LDB1: variants seen among roughly 807,000 people sequenced by gnomAD.
LDB1 encodes the protein LIM domain-binding protein 1.
A neutral mutation model predicts 49.7 loss-of-function variants in LDB1; 6 were observed. That is an observed-to-expected ratio of 0.12 (90% CI 0.07 to 0.24). LDB1 has a LOEUF of 0.24. Among genes scored for constraint, LDB1 ranks in the 10% least tolerant of loss-of-function variants. LDB1 has a pLI of 1.00. For missense variants in LDB1, 341 were observed against 561.7 expected (o/e 0.61, Z 3.97); for synonymous variants, 233 against 202.0 (o/e 1.15, Z -1.30).
In LDB1 at chr10:102,111,431, T is replaced by C; in HGVS notation, c.128+3A>G. The C allele has an allele frequency of 1.3e-6, 2 of 1,594,344 alleles. No individual in the cohort carries two copies. The highest frequency in any genetic ancestry group is 8.6e-7 in the Non-Finnish European group (1 of 1,167,958). ...TTAGGAAGTGGCCAAGAGACTCACT[T>C]ACCCCACATCCCTATCCAGCATGGT... On this transcript the variant is annotated splice_donor_region_variant and intron_variant, in intron 2 of 10. Coordinates refer to ENST00000673968, the MANE Select transcript of LDB1 (RefSeq NM_001113407.3).
At chr10:102,106,263 T>A (rs2068158720), downstream of LDB1, among the ~76,000 whole-genome samples, 1 of 151,626 alleles carries the variant, frequency 6.6e-6, no homozygotes, top group Non-Finnish European at 1.5e-5. Context: ...GAAAGCCAAC[T>A]CTCCCTCAAC....
rs1400808589 is a variant in LDB1, at chr10:102,112,702, G to A, written c.26-1166C>T. Among the ~76,000 whole-genome samples, 69 of 151,898 alleles carry A rather than the reference G, an allele frequency of 4.5e-4. 1 individual carries two copies. The highest frequency in any genetic ancestry group is 1.8e-4 in the Non-Finnish European group (12 of 67,990). On this transcript the variant is annotated intron_variant, in intron 1 of 10. Transcript: ENST00000673968. Reference sequence around the variant, plus strand: ...TTGGGAGTCGGGGAAGCAGGCAGATGAGCCTCCTTTGCATCCCACTCTACC... The same window carrying A: ...TTGGGAGTCGGGGAAGCAGGCAGATAAGCCTCCTTTGCATCCCACTCTACC...
chr10:102,107,584 AT>A lies in LDB1; in HGVS notation c.*508del. ...ATTTTTTTTTTAACTTACATTTTTAATAATATTATTTTTAAAAAAACTTGGA... is the reference window on the plus strand; with the variant it reads ...ATTTTTTTTTTAACTTACATTTTTAAAATATTATTTTTAAAAAAACTTGGA... On this transcript the variant is annotated 3_prime_UTR_variant, in exon 11 of 11. Transcript: ENST00000673968. The A allele has an allele frequency of 6.5e-6, 1 of 153,194 alleles. No homozygotes were observed. The highest frequency in any genetic ancestry group is 2.0e-4 in the South Asian group (1 of 4,930). 9.5% of individuals were successfully genotyped at this position (153,194 alleles called of 1,614,324 possible).
intron 1 of LDB1, among the ~76,000 whole-genome samples, chr10:102,112,482 GA>G (rs1351524497): frequency 6.6e-6 from 1 of 152,154 alleles, no homozygotes; most frequent in Non-Finnish European, 1.5e-5. Flanking sequence ...AGGGTCTCAG[GA>G]GGGCAAGGGA....
chr10:102,114,617 G>A lies in LDB1; in HGVS notation c.26-3081C>T, dbSNP rs933598702. On this transcript the variant is annotated intron_variant, in intron 1 of 10. Transcript: ENST00000673968. The stretch of plus-strand genomic sequence containing the variant: ...CCCCGCGGCGGCCGCTGTCCCGGGG[G>A]AAAGTTACAATGGCCACTGGGCCGG... 2.6e-4 allele frequency: 253 copies of A among 985,086 alleles called. No homozygotes were observed. In the Middle Eastern group the frequency reaches 3.1e-3, roughly 12 times the overall value. The allele number at this position is 985,086 out of a possible 1,614,324, so 61.0% of individuals were successfully genotyped here. A position where few individuals can be genotyped will look rare whatever the true frequency, so the allele number is the denominator to read the frequency against.
rs1826235656 is a variant in LDB1 at position 102,107,707 on chromosome 10, T to G, written c.*386A>C. On this transcript the variant is annotated 3_prime_UTR_variant, in exon 11 of 11. Coordinates refer to ENST00000673968, the MANE Select transcript of LDB1 (RefSeq NM_001113407.3). ...GAGCATTCAACGAAGCCCCGTAACT[T>G]TAAGTCCCTAAGGGCTGTGGGTATA... 4.6e-6 allele frequency: 1 copy of G among 219,656 alleles called. No individual in the cohort carries two copies. The highest frequency in any genetic ancestry group is 5.2e-5 in the Admixed American group (1 of 19,368). The allele number at this position is 219,656 out of a possible 1,614,324, so 13.6% of individuals were successfully genotyped here.
downstream of LDB1, among the ~76,000 whole-genome samples, chr10:102,103,745 C>T (rs186563212): frequency 2.8e-4 from 43 of 151,970 alleles, no homozygotes; most frequent in African/African-American, 9.2e-4. Context: ...ACCCAGGAGG[C>T]GGAGGTTGCA....
chr10:102,114,295 C>T (rs1422156327), intron 1 of LDB1: 20 of 980,588 alleles, frequency 2.0e-5, no homozygotes, highest in Non-Finnish European at 2.4e-5. Flanking sequence ...GGCCTGAGCG[C>T]CCCGGCGGCT....
intron 1 of LDB1, chr10:102,114,424 C>A: frequency 1.0e-6 from 1 of 986,394 alleles, no homozygotes; most frequent in Non-Finnish European, 1.2e-6. Flanking sequence ...ACTGAGGGGG[C>A]CAGGAGAGGT....
rs1323387124 is a variant in LDB1 at position 102,107,219 on chromosome 10, C to T, written c.*874G>A. 1.3e-5 allele frequency among the ~76,000 whole-genome samples: 2 copies of T among 152,068 alleles called. No homozygotes were observed. Among genetic ancestry groups the T allele is most frequent in the African/African-American group, 4.8e-5 (2 of 41,376 alleles). ...GGAGGACTTGTAAGGAATATACATA[C>T]CATGGGGGTGGGGCTGGAAGAGAGG... On this transcript the variant is annotated 3_prime_UTR_variant, in exon 11 of 11. Transcript: ENST00000673968.
At chr10:102,114,759 CCTCCTT>C in intron 1 of LDB1, 1 of 879,798 alleles carries the variant, frequency 1.1e-6, no homozygotes, top group Non-Finnish European at 1.4e-6. Flanking sequence ...CTCTCCTCCT[CCTCCTT>C]CTCGGCTCTC....
At position 102,109,418 on chromosome 10, in the gene LDB1, A is replaced by G; in HGVS notation, c.822T>C (p.Leu274=). ...LSPRDCLKTC[L]FQKWQRMVAP... ...CTACCATGCGCTGCCACTTCTGGAAAAGGCAGGTCTTGAGGCAGTCGCGGG... is the reference window on the plus strand; with the variant it reads ...CTACCATGCGCTGCCACTTCTGGAAGAGGCAGGTCTTGAGGCAGTCGCGGG... Residue 274 remains leucine, a synonymous_variant, in exon 9 of 11, where the codon CTT becomes CTC. Transcript: ENST00000673968. The surrounding 1 kb of genome is among the most constrained non-coding windows in gnomAD (Gnocchi z 5.8). The G allele has an allele frequency of 6.2e-7, 1 of 1,614,186 alleles. No homozygotes were observed. Among genetic ancestry groups the G allele is most frequent in the South Asian group, 1.1e-5 (1 of 91,084 alleles).
chr10:102,120,338 G>C lies in LDB1; in HGVS notation c.-228C>G. On this transcript the variant is annotated 5_prime_UTR_variant, in exon 1 of 11. Coordinates refer to ENST00000673968, the MANE Select transcript of LDB1 (RefSeq NM_001113407.3). Reference sequence around the variant, plus strand: ...AGGAAGGCGAGCGGCCTCTGCGTGTGTGCGCGCGGGTGTGAGTCCGCGGAG... The same window carrying C: ...AGGAAGGCGAGCGGCCTCTGCGTGTCTGCGCGCGGGTGTGAGTCCGCGGAG... 1.0e-6 allele frequency: 1 copy of C among 984,606 alleles called. No individual in the cohort carries two copies. Among genetic ancestry groups the C allele is most frequent in the Non-Finnish European group, 1.2e-6 (1 of 829,604 alleles). The allele number at this position is 984,606 out of a possible 1,614,324, so 61.0% of individuals were successfully genotyped here. A position where few individuals can be genotyped will look rare whatever the true frequency, so the allele number is the denominator to read the frequency against.
Position 102,110,620 on chromosome 10 carries a change from T to C in LDB1, c.434A>G (p.His145Arg). ...GATELYYVLK[H>R]PKEAFHSNFV... ...GTTGCTGTGGAATGCCTCCTTGGGG[T>C]GCTTAAGAACATAGTACAGCTCCGT... Residue 145 changes from histidine to arginine, a missense_variant, in exon 6 of 11, where the codon CAC becomes CGC. Coordinates refer to ENST00000673968, the MANE Select transcript of LDB1 (RefSeq NM_001113407.3). 1 of 1,613,924 alleles carries C rather than the reference T, an allele frequency of 6.2e-7. No individual in the cohort carries two copies. Among genetic ancestry groups the C allele is most frequent in the Non-Finnish European group, 8.5e-7 (1 of 1,179,938 alleles).
At chr10:102,111,172 T>G in intron 3 of LDB1, 28 bp from the exon 4 acceptor site, 1 of 1,611,742 alleles carries the variant, frequency 6.2e-7, no homozygotes, top group South Asian at 1.1e-5. Context: ...GAGAGGTCAG[T>G]AGGAGCGGAG....
chr10:102,112,210 C>G (rs536126209), intron 1 of LDB1, among the ~76,000 whole-genome samples: 1 of 152,278 alleles, frequency 6.6e-6, no homozygotes, highest in South Asian at 2.1e-4. Flanking sequence ...AATCTACATA[C>G]TTTCACTCAA....
At chr10:102,118,965 ACAT>A (rs1409181831) in intron 1 of LDB1, among the ~76,000 whole-genome samples, 1 of 152,144 alleles carries the variant, frequency 6.6e-6, no homozygotes, top group African/African-American at 2.4e-5. Flanking sequence ...TGCCCCTTAG[ACAT>A]CAGCCTCAGC....
downstream of LDB1, among the ~76,000 whole-genome samples, chr10:102,105,415 G>C (rs952223401): frequency 6.6e-6 from 1 of 152,142 alleles, no homozygotes; most frequent in Admixed American, 6.5e-5. Flanking sequence ...CTAGGGAGGT[G>C]AGGGTAGAGG....
At position 102,111,111 on chromosome 10, in the gene LDB1, G is replaced by A. The variant is rs751023184; in HGVS notation, c.207C>T (p.Tyr69=). The A allele has an allele frequency of 2.5e-6, 4 of 1,614,132 alleles. No individual in the cohort carries two copies. The highest frequency in any genetic ancestry group is 2.2e-5 in the East Asian group (1 of 44,884). ...GCCGTTTGTTAAGCTCAAATATTCT[G>A]TAGTCAGTTTGGTTGCCATATGGTG... ...RHTPYGNQTD[Y]RIFELNKRLQ... Residue 69 remains tyrosine, a synonymous_variant, in exon 4 of 11, where the codon TAC becomes TAT. Transcript: ENST00000673968.
Sources: gnomAD v4.1 joint callset for allele counts (sites outside exome capture counted in the v4.1 genomes callset) on GRCh38, gnomAD v4.1.1 for gene constraint, Gnocchi (gnomAD v3.1) non-coding constraint, MANE v1.5 for transcripts, NCBI Gene and HGNC (gene_info 2026-07-23, HGNC 2026-07-21) for gene names.